The following FMN1 variants were observed in gnomAD, a reference collection of about 807,000 sequenced individuals.
FMN1 encodes the protein formin 1, also known as formin-1.
Under a neutral mutation model 132.4 loss-of-function variants are expected in FMN1, and 110 were observed. That is an observed-to-expected ratio of 0.83 (90% confidence interval 0.71 to 0.97). FMN1 has a LOEUF of 0.97. Among genes scored for constraint, FMN1 ranks in the 50% least tolerant of loss-of-function variants. FMN1 has a pLI of 0.00. For synonymous variants in FMN1, 722 were observed against 651.7 expected, an observed-to-expected ratio of 1.11 and a Z score of -1.64; for missense variants, 1,792 against 1,705.3, an observed-to-expected ratio of 1.05 and a Z score of -0.90.
At chr15:33,091,233 T>C (rs930047371) in intron 4 of FMN1, among the ~76,000 whole-genome samples, 1 of 151,946 alleles carries the variant, frequency 6.6e-6, no homozygotes, top group African/African-American at 2.4e-5. Flanking sequence ...TACAAGAGAG[T>C]GAAACATTCC....
At chr15:32,865,727 T>C (rs562710465) in intron 16 of FMN1, among the ~76,000 whole-genome samples, 3 of 151,578 alleles carry the variant, frequency 2.0e-5, no homozygotes, top group Non-Finnish European at 4.4e-5. Flanking sequence ...TCCCAGCTAC[T>C]CAGGAGGCTG....
At chr15:33,013,708 G>A (rs564221453) in intron 6 of FMN1, among the ~76,000 whole-genome samples, 7 of 152,154 alleles carry the variant, frequency 4.6e-5, no homozygotes, top group Non-Finnish European at 1.0e-4. Flanking sequence ...AAGTGACTTA[G>A]TAAGTTTAAA....
chr15:32,810,031 A>G (rs941303497), intron 17 of FMN1, among the ~76,000 whole-genome samples: 1 of 151,872 alleles, frequency 6.6e-6, no homozygotes, highest in Non-Finnish European at 1.5e-5. Flanking sequence ...GTGATTCTCC[A>G]GCCTCAGCCT....
intron 8 of FMN1, among the ~76,000 whole-genome samples, chr15:32,964,765 A>T (rs957588324): frequency 3.3e-5 from 5 of 152,176 alleles, no homozygotes; most frequent in Admixed American, 6.5e-5. Flanking sequence ...ATGCAGGTAA[A>T]CTCAGTGCAG....
At chr15:33,168,682 A>G (rs1965201293) in intron 3 of FMN1, among the ~76,000 whole-genome samples, 1 of 152,220 alleles carries the variant, frequency 6.6e-6, no homozygotes, top group Admixed American at 6.5e-5. Flanking sequence ...CCTCTTTGTG[A>G]TTAGGAGGTT....
At chr15:33,123,316 C>T (rs1032508708) in intron 4 of FMN1, among the ~76,000 whole-genome samples, 2 of 151,966 alleles carry the variant, frequency 1.3e-5, no homozygotes, top group Admixed American at 6.6e-5. Context: ...CAAAGGCCTT[C>T]CATAGCTTTT....
chr15:32,805,717 C>T (rs2057655922), intron 17 of FMN1, among the ~76,000 whole-genome samples: 1 of 152,148 alleles, frequency 6.6e-6, no homozygotes, highest in African/African-American at 2.4e-5. Flanking sequence ...TCTTGCACGT[C>T]TCATCATGTT....
At chr15:32,981,821 C>A (rs1231769808) in intron 7 of FMN1, among the ~76,000 whole-genome samples, 1 of 151,974 alleles carries the variant, frequency 6.6e-6, no homozygotes, top group African/African-American at 2.4e-5. Flanking sequence ...CAATATTGCA[C>A]ACAATGAACA....
intron 17 of FMN1, among the ~76,000 whole-genome samples, chr15:32,856,094 G>C (rs184784729): frequency 4.7e-4 from 72 of 152,316 alleles, no homozygotes; most frequent in African/African-American, 1.5e-3. Context: ...CTCATAGACT[G>C]AGAATTTCCC....
At chr15:32,976,817 G>T (rs2032244379) in intron 7 of FMN1, among the ~76,000 whole-genome samples, 1 of 152,160 alleles carries the variant, frequency 6.6e-6, no homozygotes, top group Non-Finnish European at 1.5e-5. Flanking sequence ...TAAAAATGGT[G>T]CTGACCTCAA....
At chr15:32,933,036 G>C (rs761344743) in intron 9 of FMN1, among the ~76,000 whole-genome samples, 3 of 151,902 alleles carry the variant, frequency 2.0e-5, no homozygotes, top group Non-Finnish European at 4.4e-5. Flanking sequence ...TTTGGGCTTA[G>C]TTTATCCTTC....
chr15:33,160,628 A>C (rs1964850991), intron 3 of FMN1, among the ~76,000 whole-genome samples: 1 of 152,212 alleles, frequency 6.6e-6, no homozygotes, highest in East Asian at 1.9e-4. Flanking sequence ...TTCCATGCTG[A>C]GTTCACAGGA....
chr15:33,025,861 C>G (rs1199043366), intron 6 of FMN1, among the ~76,000 whole-genome samples: 1 of 152,062 alleles, frequency 6.6e-6, no homozygotes, highest in South Asian at 2.1e-4. Context: ...GAACTTTCAA[C>G]AAACTTTGAA....
At chr15:32,939,066 A>G (rs1011549206) in intron 9 of FMN1, among the ~76,000 whole-genome samples, 2 of 152,252 alleles carry the variant, frequency 1.3e-5, no homozygotes, top group African/African-American at 4.8e-5. Flanking sequence ...TCCTCTGCAC[A>G]TTAGCCAATC....
At chr15:32,990,459 A>G (rs2033365699) in intron 7 of FMN1, among the ~76,000 whole-genome samples, 1 of 152,224 alleles carries the variant, frequency 6.6e-6, no homozygotes, top group African/African-American at 2.4e-5. Flanking sequence ...CATCTGTTTC[A>G]GTAGAGTTGG....
At chr15:32,996,642 A>G (rs1254062464) in intron 7 of FMN1, among the ~76,000 whole-genome samples, 1 of 152,202 alleles carries the variant, frequency 6.6e-6, no homozygotes, top group Non-Finnish European at 1.5e-5. Flanking sequence ...TAAGTACCAA[A>G]TATTATTATT....
intron 9 of FMN1, among the ~76,000 whole-genome samples, chr15:32,937,582 T>C (rs2061307099): frequency 6.6e-6 from 1 of 152,216 alleles, no homozygotes; most frequent in Admixed American, 6.5e-5. Flanking sequence ...TTTTAGTTTC[T>C]GAGAGGCAAA....
At chr15:32,991,579 G>T (rs2033437750) in intron 7 of FMN1, among the ~76,000 whole-genome samples, 1 of 152,148 alleles carries the variant, frequency 6.6e-6, no homozygotes, top group South Asian at 2.1e-4. Flanking sequence ...GCTGTCTCTT[G>T]ATGCTGGTCA....
intron 6 of FMN1, among the ~76,000 whole-genome samples, chr15:33,041,332 C>T (rs1376560214): frequency 2.0e-5 from 3 of 148,150 alleles, no homozygotes; most frequent in Admixed American, 6.8e-5. Context: ...TCAGGAGTAA[C>T]ACAATAATGT....
Sources: gnomAD v4.1 joint callset for allele counts (sites outside exome capture counted in the v4.1 genomes callset) on GRCh38, gnomAD v4.1.1 for gene constraint, MANE v1.5 for transcripts, NCBI Gene and HGNC (gene_info 2026-07-23, HGNC 2026-07-21) for gene names.